Variants in PID1 observed in about 807,000 individuals in gnomAD.
PID1 encodes phosphotyrosine interaction domain containing 1.
A neutral mutation model predicts 19.1 loss-of-function variants in PID1; 10 were observed. That is an observed-to-expected ratio of 0.52 (90% CI 0.32 to 0.89). The LOEUF (loss-of-function observed/expected upper bound fraction) is 0.89, where lower values mean the gene tolerates loss of function less well. Among genes scored for constraint, PID1 ranks in the 40% least tolerant of loss-of-function variants. The pLI is 0.03. For missense variants in PID1, 248 were observed against 285.3 expected, an observed-to-expected ratio of 0.87 and a Z score of 0.94; for synonymous variants, 130 against 116.0, an observed-to-expected ratio of 1.12 and a Z score of -0.78.
chr2:229,055,810 T>C (rs1694086978), intron 2 of PID1, among the ~76,000 whole-genome samples: 3 of 152,196 alleles, frequency 2.0e-5, no homozygotes, highest in Admixed American at 1.3e-4. Flanking sequence ...CTGACTTCAA[T>C]AAAATAACTC....
intron 1 of PID1, among the ~76,000 whole-genome samples, chr2:229,199,925 A>G (rs1303581298): frequency 1.3e-5 from 2 of 151,970 alleles, no homozygotes; most frequent in African/African-American, 2.4e-5. Context: ...TTCTACATAT[A>G]TGTGTGTGTG....
intron 1 of PID1, among the ~76,000 whole-genome samples, chr2:229,186,948 C>T (rs1025792248): frequency 2.6e-5 from 4 of 152,154 alleles, no homozygotes; most frequent in African/African-American, 4.8e-5. Flanking sequence ...AATTCTTCTG[C>T]CAGATACCCT....
chr2:229,147,998 C>A (rs1277102776), intron 2 of PID1, among the ~76,000 whole-genome samples: 1 of 152,102 alleles, frequency 6.6e-6, no homozygotes, highest in Non-Finnish European at 1.5e-5. Flanking sequence ...ATAAGAGTGA[C>A]CCCATAAACA....
In PID1 at chr2:229,066,852, T is replaced by C. The variant is rs550403375; in HGVS notation, c.178-40744A>G. Among the ~76,000 whole-genome samples, 11 of 152,184 alleles carry C rather than the reference T, an allele frequency of 7.2e-5. No individual in the cohort carries two copies. The South Asian group carries it at 1.9e-3, about 26-fold the overall frequency. Reference sequence around the variant, plus strand: ...AAGTGTGATTTGGCCGATCCACTCATACGAGGTTCATTAACACCCACAATC... The same window carrying C: ...AAGTGTGATTTGGCCGATCCACTCACACGAGGTTCATTAACACCCACAATC... On this transcript the variant is annotated intron_variant, in intron 2 of 2. Coordinates refer to ENST00000392055, the MANE Select transcript of PID1 (RefSeq NM_001100818.2).
intron 1 of PID1, among the ~76,000 whole-genome samples, chr2:229,243,155 A>G (rs1689918143): frequency 1.3e-5 from 2 of 152,178 alleles, no homozygotes; most frequent in Non-Finnish European, 2.9e-5. Flanking sequence ...GGATGGCAGC[A>G]GGCAGAGAGA....
intron 2 of PID1, among the ~76,000 whole-genome samples, chr2:229,132,301 C>G (rs1689759334): frequency 6.6e-6 from 1 of 152,178 alleles, no homozygotes; most frequent in Admixed American, 6.5e-5. Flanking sequence ...GGGTCCCCTT[C>G]AAGCTCTGGC....
chr2:229,126,452 T>G (rs933054184), intron 2 of PID1, among the ~76,000 whole-genome samples: 1 of 152,182 alleles, frequency 6.6e-6, no homozygotes, highest in African/African-American at 2.4e-5. Flanking sequence ...TATTACACAT[T>G]TCTCAGCTAA....
intron 1 of PID1, among the ~76,000 whole-genome samples, chr2:229,259,389 T>C (rs967069532): frequency 8.5e-5 from 13 of 152,178 alleles, no homozygotes; most frequent in African/African-American, 3.1e-4. Context: ...TTTTTCTTTG[T>C]TGATTGCATT....
At chr2:229,256,270 C>T (rs988743960) in intron 1 of PID1, among the ~76,000 whole-genome samples, 3 of 152,078 alleles carry the variant, frequency 2.0e-5, no homozygotes, top group African/African-American at 7.2e-5. Flanking sequence ...CGTGATCTGA[C>T]GTTTTTCAAA....
At chr2:229,217,580 T>C (rs1396416219) in intron 1 of PID1, among the ~76,000 whole-genome samples, 2 of 152,048 alleles carry the variant, frequency 1.3e-5, no homozygotes, top group Non-Finnish European at 2.9e-5. Context: ...GCAGGGCTGG[T>C]TGGAGAAGGT....
At chr2:229,065,264 A>G (rs1190344065) in intron 2 of PID1, among the ~76,000 whole-genome samples, 1 of 152,182 alleles carries the variant, frequency 6.6e-6, no homozygotes, top group Non-Finnish European at 1.5e-5. Flanking sequence ...TTTGAGAAAT[A>G]CTGTTAAGTT....
At chr2:229,214,593 T>A (rs1018217028) in intron 1 of PID1, among the ~76,000 whole-genome samples, 1 of 152,182 alleles carries the variant, frequency 6.6e-6, no homozygotes, top group Admixed American at 6.5e-5. Context: ...GTTTTATTAG[T>A]TAGTTTTCTT....
chr2:229,134,123 T>C (rs1351175482), intron 2 of PID1, among the ~76,000 whole-genome samples: 1 of 151,996 alleles, frequency 6.6e-6, no homozygotes, highest in Admixed American at 6.5e-5. Flanking sequence ...TTGAGAACCA[T>C]CAGTCACCTA....
intron 2 of PID1, among the ~76,000 whole-genome samples, chr2:229,123,218 C>T (rs1695557901): frequency 6.6e-6 from 1 of 152,138 alleles, no homozygotes; most frequent in Non-Finnish European, 1.5e-5. Context: ...CACTAATCTA[C>T]CTGTCTCTAC....
chr2:229,230,492 TG>T (rs1692181718), intron 1 of PID1, among the ~76,000 whole-genome samples: 1 of 152,216 alleles, frequency 6.6e-6, no homozygotes, highest in African/African-American at 2.4e-5. Context: ...CTTTTACAAC[TG>T]GAAGTTCTTC....
At chr2:229,124,626 T>C (rs1357902416) in intron 2 of PID1, among the ~76,000 whole-genome samples, 1 of 152,168 alleles carries the variant, frequency 6.6e-6, no homozygotes, top group Non-Finnish European at 1.5e-5. Context: ...GTAACAATGT[T>C]TCACATCCTT....
At chr2:229,228,661 T>C (rs1029953756) in intron 1 of PID1, among the ~76,000 whole-genome samples, 1 of 152,208 alleles carries the variant, frequency 6.6e-6, no homozygotes, top group Admixed American at 6.5e-5. Context: ...TGTGTGTATA[T>C]ATGTGTAGTT....
intron 2 of PID1, among the ~76,000 whole-genome samples, chr2:229,040,110 T>C (rs1306896612): frequency 1.4e-5 from 2 of 146,648 alleles, no homozygotes; most frequent in Non-Finnish European, 3.0e-5. Context: ...ATTGGGTATA[T>C]TGTTATGTGG....
chr2:229,026,111 G>A lies in PID1; in HGVS notation c.178-3C>T, dbSNP rs770196748. 1.9e-6 allele frequency: 3 copies of A among 1,604,708 alleles called. No individual in the cohort carries two copies. Among genetic ancestry groups the A allele is most frequent in the Non-Finnish European group, 2.6e-6 (3 of 1,172,008 alleles). ...GAGACTTTGCCCAGGTAGGTAACCT[G>A]CAGATGCAAGAGAGGAAGAAAAGGG... On this transcript the variant is annotated splice_region_variant and splice_polypyrimidine_tract_variant and intron_variant, in intron 2 of 2. Transcript: ENST00000392055.
Sources: allele counts gnomAD v4.1 joint callset (sites outside exome capture counted in the v4.1 genomes callset), GRCh38; gene constraint gnomAD v4.1.1; transcripts MANE v1.5; gene names NCBI Gene and HGNC (gene_info 2026-07-23, HGNC 2026-07-21).